ACBD6: variants seen among roughly 807,000 people sequenced by gnomAD.
ACBD6 encodes the protein acyl-CoA binding domain containing 6.
In ACBD6, 28 loss-of-function variants were observed where a neutral mutation model predicts 37.2. The ratio of observed to expected loss-of-function variants is 0.75; its 90% CI spans 0.56 to 1.03. The LOEUF (loss-of-function observed/expected upper bound fraction) is 1.03. Among genes scored for constraint, ACBD6 ranks in the 50% least tolerant of loss-of-function variants. ACBD6 has a pLI of 0.00. For synonymous variants in ACBD6, 113 were observed against 126.8 expected, an observed-to-expected ratio of 0.89 and a Z score of 0.73; for missense variants, 340 against 337.4, an observed-to-expected ratio of 1.01 and a Z score of -0.06.
At chr1:180,414,910 T>G (rs145338484) in intron 4 of ACBD6, among the ~76,000 whole-genome samples, 1 of 152,134 alleles carries the variant, frequency 6.6e-6, no homozygotes, top group East Asian at 1.9e-4. Flanking sequence ...TTTTAGAAAG[T>G]AGAGCTGCAA....
At chr1:180,278,515 C>T (rs928746437) in intron 9 of ACBD6, 1 of 152,218 alleles carries the variant, frequency 6.6e-6, no homozygotes, top group Non-Finnish European at 1.5e-5. Context: ...GGTAAGGAGA[C>T]AGCTGCAGGT....
Position 180,502,329 on chromosome 1 carries a change from G to T in ACBD6, c.-63C>A. 1 of 1,562,058 alleles carries T rather than the reference G, an allele frequency of 6.4e-7. No homozygotes were observed. The highest frequency in any genetic ancestry group is 1.1e-5 in the South Asian group (1 of 88,096). Reference sequence around the variant, plus strand: ...TCCTCCTTGGATTGGGTGTAAGGCCGGCTTGGAGGCCTGGCCCACCAGTCT... The same window carrying T: ...TCCTCCTTGGATTGGGTGTAAGGCCTGCTTGGAGGCCTGGCCCACCAGTCT... On this transcript the variant is annotated 5_prime_UTR_variant, in exon 1 of 8. Transcript: ENST00000367595.
chr1:180,499,837 A>G (rs1165277307), intron 1 of ACBD6, among the ~76,000 whole-genome samples: 4 of 152,208 alleles, frequency 2.6e-5, no homozygotes, highest in African/African-American at 9.6e-5. Flanking sequence ...ATTCGACACT[A>G]TAATTTATAC....
intron 7 of ACBD6, among the ~76,000 whole-genome samples, chr1:180,289,945 T>C (rs1429289021): frequency 6.6e-6 from 1 of 152,118 alleles, no homozygotes; most frequent in African/African-American, 2.4e-5. Flanking sequence ...TTTGGGATAG[T>C]GGTAATCTCT....
chr1:180,339,222 A>G (rs1651873327), intron 6 of ACBD6, among the ~76,000 whole-genome samples: 1 of 152,244 alleles, frequency 6.6e-6, no homozygotes, highest in Non-Finnish European at 1.5e-5. Flanking sequence ...CTATAAAGAC[A>G]CATGCACACG....
intron 3 of ACBD6, among the ~76,000 whole-genome samples, chr1:180,480,144 G>C (rs1005852453): frequency 6.6e-6 from 1 of 152,148 alleles, no homozygotes; most frequent in Non-Finnish European, 1.5e-5. Flanking sequence ...AATTTAGCCT[G>C]TGAGTAAAGG....
chr1:180,309,233 TAA>T (rs1462213803), intron 7 of ACBD6, among the ~76,000 whole-genome samples: 2 of 152,238 alleles, frequency 1.3e-5, no homozygotes, highest in African/African-American at 4.8e-5. Flanking sequence ...CAATATATGT[TAA>T]GAGATTTTTC....
intron 3 of ACBD6, among the ~76,000 whole-genome samples, chr1:180,448,640 G>C (rs1415856343): frequency 6.6e-6 from 1 of 152,154 alleles, no homozygotes; most frequent in Non-Finnish European, 1.5e-5. Context: ...GGCAGCTCTA[G>C]AGAACGTTAC....
intron 6 of ACBD6, among the ~76,000 whole-genome samples, chr1:180,363,317 G>T (rs543369416): frequency 6.6e-6 from 1 of 152,234 alleles, no homozygotes; most frequent in South Asian, 2.1e-4. Flanking sequence ...TTTGATAGAG[G>T]ACTGTGGAAT....
chr1:180,461,724 C>T (rs567634856), intron 3 of ACBD6, among the ~76,000 whole-genome samples: 186 of 152,174 alleles, frequency 1.2e-3, no homozygotes, highest in Non-Finnish European at 2.0e-3. Context: ...TAAGGGACTT[C>T]GTTAGCACCC....
At chr1:180,416,719 T>C (rs1436212246) in intron 4 of ACBD6, among the ~76,000 whole-genome samples, 4 of 152,194 alleles carry the variant, frequency 2.6e-5, no homozygotes, top group African/African-American at 4.8e-5. Flanking sequence ...GCACACTCTA[T>C]GGGAAAGAGG....
At chr1:180,349,617 T>C (rs1652330717) in intron 6 of ACBD6, among the ~76,000 whole-genome samples, 1 of 152,088 alleles carries the variant, frequency 6.6e-6, no homozygotes, top group South Asian at 2.1e-4. Flanking sequence ...ATTTTATGTG[T>C]TGCCAAAGCA....
chr1:180,400,118 T>G (rs1474175958), intron 5 of ACBD6, among the ~76,000 whole-genome samples: 1 of 152,224 alleles, frequency 6.6e-6, no homozygotes, highest in Non-Finnish European at 1.5e-5. Flanking sequence ...GTTTCAATGG[T>G]AAAGCTGACA....
intron 6 of ACBD6, among the ~76,000 whole-genome samples, chr1:180,342,574 T>A (rs1258435974): frequency 6.6e-6 from 1 of 151,502 alleles, no homozygotes; most frequent in Non-Finnish European, 1.5e-5. Context: ...TAAATTATTA[T>A]TAATAATTAT....
rs144436017 is a variant in ACBD6, at chr1:180,502,176, G to A, written c.91C>T (p.Pro31Ser). The change falls in exon 1 of 8, where the codon CCC (proline) becomes TCC (serine). Residue 31 changes from proline (P) to serine (S), a missense_variant. Pro to Ser is a moderately conservative substitution (Grantham distance 74). Coordinates refer to ENST00000367595, the MANE Select transcript of ACBD6 (RefSeq NM_032360.4). ...SGDDSGEVEFPHSPEIEETSC... is the reference protein window; with the variant it reads ...SGDDSGEVEFSHSPEIEETSC... ...GTCTCCTCGATCTCAGGGCTATGGG[G>A]GAACTCCACCTCCCCGGAGTCGTCC... The A allele has an allele frequency of 6.9e-5, 111 of 1,614,120 alleles. No homozygotes were observed. In the African/African-American group the frequency reaches 1.3e-3, roughly 19 times the overall value.
At chr1:180,314,109 A>C (rs780420385) in intron 7 of ACBD6, among the ~76,000 whole-genome samples, 10 of 152,152 alleles carry the variant, frequency 6.6e-5, no homozygotes, top group Non-Finnish European at 1.3e-4. Context: ...CTTTCTTGTC[A>C]CTCATTAATA....
In ACBD6 at chr1:180,367,962, G is replaced by A. The variant is rs146712134; in HGVS notation, c.663+29554C>T. 6.5e-3 allele frequency among the ~76,000 whole-genome samples: 993 copies of A among 152,228 alleles called. 12 individuals are homozygous for A. Among genetic ancestry groups the A allele is most frequent in the African/African-American group, 0.023 (957 of 41,538 alleles). ...TCTGCTTTTAGCTCTTTGAGGAACC[G>A]CCATACTGCTTTCCATAATGGTTGA... On this transcript the variant is annotated intron_variant, in intron 6 of 7. Transcript: ENST00000367595.
rs1260519311 is a variant in ACBD6, at chr1:180,271,207, G to GGAGT, written c.*2014_*2017dup. On this transcript the variant is annotated 3_prime_UTR_variant, in exon 14 of 14. Coordinates refer to the ACBD6 transcript ENST00000642319. The stretch of plus-strand genomic sequence containing the variant: ...GTGGCTTGGGAAGGCCCGTGGTGCA[G>GGAGT]GAGTCAGTGCCATGAGAGTGGGGAC... The GGAGT allele has an allele frequency of 4.3e-5, 31 of 721,128 alleles. No individual in the cohort carries two copies. In the Middle Eastern group the frequency reaches 2.3e-3, roughly 53 times the overall value. The allele number at this position is 721,128 out of a possible 1,614,324, so 44.7% of individuals were successfully genotyped here. A position where few individuals can be genotyped will look rare whatever the true frequency, so the allele number is the denominator to read the frequency against.
At chr1:180,412,731 C>T (rs1647909811) in intron 5 of ACBD6, among the ~76,000 whole-genome samples, 1 of 152,048 alleles carries the variant, frequency 6.6e-6, no homozygotes, top group African/African-American at 2.4e-5. Context: ...CCAGGAGTGA[C>T]AGCACATGCC....
Sources: gnomAD v4.1 joint callset for allele counts (sites outside exome capture counted in the v4.1 genomes callset) on GRCh38, gnomAD v4.1.1 for gene constraint, MANE v1.5 for transcripts, NCBI Gene and HGNC (gene_info 2026-07-23, HGNC 2026-07-21) for gene names.